The following RTTN variants were observed in gnomAD, a reference collection of about 807,000 sequenced individuals.
RTTN encodes the protein rotatin.
In RTTN, 182 loss-of-function variants were observed where a neutral mutation model predicts 269.2. That is an observed-to-expected ratio of 0.68 (90% confidence interval 0.60 to 0.76). The LOEUF (loss-of-function observed/expected upper bound fraction) is 0.76. Ranked by LOEUF, RTTN falls within the 30% of genes least tolerant of loss-of-function variation. RTTN has a pLI of 0.00. For synonymous variants in RTTN, 1,006 were observed against 963.5 expected, an observed-to-expected ratio of 1.04 and a Z score of -0.82; for missense variants, 2,545 against 2,608.6, an observed-to-expected ratio of 0.98 and a Z score of 0.53.
At chr18:70,176,212 T>G (rs201636771) in intron 11 of RTTN, among the ~76,000 whole-genome samples, 6 of 68,808 alleles carry the variant, frequency 8.7e-5, no homozygotes, top group African/African-American at 2.9e-4. Context: ...TGTATATGTA[T>G]ATGTATATGT....
At chr18:70,152,323 C>T (rs2060560660) in intron 14 of RTTN, among the ~76,000 whole-genome samples, 3 of 152,090 alleles carry the variant, frequency 2.0e-5, no homozygotes, top group African/African-American at 7.2e-5. Context: ...GTTCAAAGCC[C>T]AGTTTCACCA....
At position 70,059,783 on chromosome 18, in the gene RTTN, G is replaced by A. The variant is rs1052169043; in HGVS notation, c.4940+67C>T. ...CAGGTCACAAGAAATCTTGTATCAA[G>A]TCATGAATACAGTTTGTGTAAATTT... On this transcript the variant is annotated intron_variant, in intron 36 of 48. Transcript: ENST00000640769. The A allele has an allele frequency of 6.7e-6, 7 of 1,043,088 alleles. No homozygotes were observed. The African/African-American group carries it at 8.0e-5, about 12-fold the overall frequency. The allele number at this position is 1,043,088 out of a possible 1,614,324, so 64.6% of individuals were successfully genotyped here.
chr18:70,078,353 A>G (rs1284112848), intron 32 of RTTN, among the ~76,000 whole-genome samples: 1 of 151,964 alleles, frequency 6.6e-6, no homozygotes, highest in African/African-American at 2.4e-5. Flanking sequence ...AGAACTTGTG[A>G]TATTTATCTC....
At chr18:70,050,422 A>C (rs1352595979) in intron 39 of RTTN, among the ~76,000 whole-genome samples, 1 of 152,234 alleles carries the variant, frequency 6.6e-6, no homozygotes, top group East Asian at 1.9e-4. Flanking sequence ...TCAGGAAACA[A>C]CAGATGCTGG....
intron 32 of RTTN, among the ~76,000 whole-genome samples, chr18:70,078,992 G>T (rs1476010255): frequency 6.6e-6 from 1 of 152,020 alleles, no homozygotes; most frequent in Non-Finnish European, 1.5e-5. Flanking sequence ...TACCACTATG[G>T]TACTATGAGA....
Position 70,020,702 on chromosome 18 carries a change from T to C in RTTN, c.6066A>G (p.Pro2022=). Reference sequence around the variant, plus strand: ...TCTGCTGAACCGTGGTGTTCTCCAGTGGCATCTGGGAAGCCAACTTTAGGA... The same window carrying C: ...TCTGCTGAACCGTGGTGTTCTCCAGCGGCATCTGGGAAGCCAACTTTAGGA... ...LCILKLASQM[P]LENTTVQQMV... is the part of the protein sequence containing the mutation. The change falls in exon 45 of 49, where the codon CCA becomes CCG. Residue 2022 remains proline, a synonymous_variant. Coordinates refer to ENST00000640769, the MANE Select transcript of RTTN (RefSeq NM_173630.4). 1.2e-6 allele frequency: 2 copies of C among 1,614,074 alleles called. No homozygotes were observed. The highest frequency in any genetic ancestry group is 4.5e-5 in the East Asian group (2 of 44,886).
At position 70,138,089 on chromosome 18, in the gene RTTN, G is replaced by A. The variant is rs190920919; in HGVS notation, c.2788+1510C>T. 4.5e-3 allele frequency among the ~76,000 whole-genome samples: 681 copies of A among 152,216 alleles called. 2 individuals are homozygous for A. Among genetic ancestry groups the A allele is most frequent in the Non-Finnish European group, 7.3e-3 (498 of 67,988 alleles). On this transcript the variant is annotated intron_variant, in intron 21 of 48. Transcript: ENST00000640769. Reference sequence around the variant, plus strand: ...AGGTCAGGAGTTCGAGACCAGCCTGGCCAACATGGAGAAACCTAGCCTCTA... The same window carrying A: ...AGGTCAGGAGTTCGAGACCAGCCTGACCAACATGGAGAAACCTAGCCTCTA...
In RTTN at chr18:70,142,278, A is replaced by C. The variant is rs1568452750; in HGVS notation, c.2581+10T>G. 6.5e-7 allele frequency: 1 copy of C among 1,545,308 alleles called. No homozygotes were observed. Among genetic ancestry groups the C allele is most frequent in the Non-Finnish European group, 8.9e-7 (1 of 1,119,850 alleles). ...GCAGTACAGCAATCATTTCCCTTAA[A>C]AGACATTACCTTGCATAATCACAGC... On this transcript the variant is annotated intron_variant, in intron 19 of 48. Transcript: ENST00000640769.
intron 14 of RTTN, among the ~76,000 whole-genome samples, chr18:70,158,394 G>A (rs1460908061): frequency 6.6e-6 from 1 of 152,106 alleles, no homozygotes; most frequent in African/African-American, 2.4e-5. Context: ...AGAAGCAAAC[G>A]CTCAGGGAAT....
At chr18:70,087,867 T>G in intron 31 of RTTN, 122 bp downstream of exon 31, 1 of 995,832 alleles carries the variant, frequency 1.0e-6, no homozygotes, top group Non-Finnish European at 1.5e-6. Context: ...TGTTTGGGTG[T>G]TCACAGACAG....
At chr18:70,165,881 CTA>C (rs1280249615) in intron 14 of RTTN, among the ~76,000 whole-genome samples, 179 bp downstream of exon 14, 1 of 152,094 alleles carries the variant, frequency 6.6e-6, no homozygotes, top group Non-Finnish European at 1.5e-5. Flanking sequence ...GCTGGACTTA[CTA>C]AGTTAAGAGA....
At chr18:70,186,410 C>T (rs760475001) in intron 10 of RTTN, among the ~76,000 whole-genome samples, 6 of 152,110 alleles carry the variant, frequency 3.9e-5, no homozygotes, top group Non-Finnish European at 8.8e-5. Flanking sequence ...TCACAGTTTC[C>T]GAAAACCTAT....
At chr18:70,058,008 G>C (rs2057867226) in intron 36 of RTTN, among the ~76,000 whole-genome samples, 176 bp from the exon 37 acceptor site, 1 of 152,120 alleles carries the variant, frequency 6.6e-6, no homozygotes, top group Non-Finnish European at 1.5e-5. Context: ...ATTGTATCCT[G>C]GGTTACCTTC....
chr18:70,193,388 T>C lies in RTTN; in HGVS notation c.907A>G (p.Asn303Asp). 4 of 1,608,364 alleles carry C rather than the reference T, an allele frequency of 2.5e-6. No individual in the cohort carries two copies. ...GGGCTGCTGCTTCCTGGGGAAGGAT[T>C]CTGGGAATGATGAGTACCTCTTGCT... ...HEARGTHHSQNPSPGSSSPRP... is the reference protein window; with the variant it reads ...HEARGTHHSQDPSPGSSSPRP... The change falls in exon 8 of 49, where the codon AAT becomes GAT. Residue 303 changes from asparagine (N) to aspartate (D), a missense_variant. Coordinates refer to ENST00000640769, the MANE Select transcript of RTTN (RefSeq NM_173630.4).
intron 15 of RTTN, 97 bp from the exon 16 acceptor site, chr18:70,150,184 T>C: frequency 1.4e-6 from 1 of 699,320 alleles, no homozygotes; most frequent in South Asian, 1.8e-5. Context: ...GGAAAGATGC[T>C]ATAATTAACA....
At chr18:70,015,936 T>C (rs956866245) in intron 46 of RTTN, among the ~76,000 whole-genome samples, 3 of 152,164 alleles carry the variant, frequency 2.0e-5, no homozygotes, top group Non-Finnish European at 2.9e-5. Context: ...GGCTCTCTCA[T>C]TGCCCTGAGG....
chr18:70,043,498 T>C (rs4891804), intron 40 of RTTN, among the ~76,000 whole-genome samples: 122,597 of 152,010 alleles, frequency 0.81, 53,837 homozygotes, highest in East Asian at 1. Context: ...CAGATAATAT[T>C]TAAAACTGAA....
chr18:70,031,287 T>C (rs1350806099), intron 40 of RTTN: 1 of 455,052 alleles, frequency 2.2e-6, no homozygotes, highest in East Asian at 3.3e-5. Flanking sequence ...GCATATTGTA[T>C]ATATATGTGT....
intron 30 of RTTN, among the ~76,000 whole-genome samples, 184 bp downstream of exon 30, chr18:70,091,926 T>A (rs1481430876): frequency 6.6e-6 from 1 of 152,022 alleles, no homozygotes; most frequent in Non-Finnish European, 1.5e-5. Context: ...CTAATTTTTT[T>A]ATATTTTTAG....
Sources: allele counts gnomAD v4.1 joint callset (sites outside exome capture counted in the v4.1 genomes callset), GRCh38; gene constraint gnomAD v4.1.1; transcripts MANE v1.5; gene names NCBI Gene and HGNC (gene_info 2026-07-23, HGNC 2026-07-21).